The following UNC13C variants were observed in gnomAD, a reference collection of about 807,000 sequenced individuals.
UNC13C encodes the protein unc-13 homolog C, also known as protein unc-13 homolog C.
A neutral mutation model predicts 245.4 loss-of-function variants in UNC13C; 174 were observed. That is an observed-to-expected ratio of 0.71 (90% CI 0.63 to 0.80). UNC13C has a LOEUF of 0.80. UNC13C is among the 30% of genes least tolerant of loss of function. The pLI, the probability that UNC13C is intolerant of heterozygous loss-of-function variation, is 0.00. For missense variants in UNC13C, 2,829 were observed against 2,602.9 expected, an observed-to-expected ratio of 1.09 and a Z score of -1.89; for synonymous variants, 992 against 895.1, an observed-to-expected ratio of 1.11 and a Z score of -1.93.
chr15:54,615,219 T>C (rs1336024066), intron 30 of UNC13C, among the ~76,000 whole-genome samples: 1 of 152,036 alleles, frequency 6.6e-6, no homozygotes, highest in Non-Finnish European at 1.5e-5. Flanking sequence ...ACAATCCAGT[T>C]ATACTCTTCA....
At chr15:54,505,907 T>A (rs942492081) in intron 22 of UNC13C, among the ~76,000 whole-genome samples, 2 of 152,098 alleles carry the variant, frequency 1.3e-5, no homozygotes, top group African/African-American at 4.8e-5. Context: ...TCTCTAAGCA[T>A]AAATTCAAGG....
At chr15:53,889,096 T>C in the UNC13C span, among the ~76,000 whole-genome samples, 1 of 152,186 alleles carries the variant, frequency 6.6e-6, no homozygotes, top group Non-Finnish European at 1.5e-5. Flanking sequence ...ACAAAGTCAA[T>C]GGTAGCTTGA....
At chr15:54,378,695 A>G (rs1185829715) in intron 17 of UNC13C, among the ~76,000 whole-genome samples, 1 of 151,882 alleles carries the variant, frequency 6.6e-6, no homozygotes, top group Non-Finnish European at 1.5e-5. Context: ...AATTTATACA[A>G]TAAATTAAGG....
intron 2 of UNC13C, among the ~76,000 whole-genome samples, chr15:54,084,699 A>T (rs1315045000): frequency 3.3e-5 from 5 of 152,218 alleles, no homozygotes; most frequent in Non-Finnish European, 5.9e-5. Context: ...CAGAATATTC[A>T]GGTCATATGC....
At chr15:54,131,416 C>T (rs917364357) in intron 2 of UNC13C, among the ~76,000 whole-genome samples, 1 of 152,118 alleles carries the variant, frequency 6.6e-6, no homozygotes, top group African/African-American at 2.4e-5. Context: ...ATTTACTTTC[C>T]ATGGTTTCAG....
intron 2 of UNC13C, among the ~76,000 whole-genome samples, chr15:54,043,544 T>G (rs559851571): frequency 4.7e-4 from 72 of 152,206 alleles, no homozygotes; most frequent in African/African-American, 1.7e-3. Flanking sequence ...GCTTTCCTCT[T>G]AGGTAGGAGC....
At chr15:54,308,934 TC>T (rs1178630217) in intron 13 of UNC13C, among the ~76,000 whole-genome samples, 1 of 151,884 alleles carries the variant, frequency 6.6e-6, no homozygotes, top group Non-Finnish European at 1.5e-5. Context: ...TGATTTCATA[TC>T]TCGGCTATTG....
intron 24 of UNC13C, among the ~76,000 whole-genome samples, chr15:54,523,626 G>C (rs937219788): frequency 3.3e-5 from 5 of 152,168 alleles, no homozygotes; most frequent in African/African-American, 1.2e-4. Context: ...GACCTATGTA[G>C]CCATTTCTGT....
chr15:53,938,863 G>A, the UNC13C span, among the ~76,000 whole-genome samples: 14 of 152,174 alleles, frequency 9.2e-5, no homozygotes, highest in Middle Eastern at 3.4e-3. Context: ...TGTTAAGAGG[G>A]AAATTTATAG....
intron 19 of UNC13C, among the ~76,000 whole-genome samples, chr15:54,431,417 C>G (rs1258226199): frequency 6.6e-6 from 1 of 151,256 alleles, no homozygotes; most frequent in African/African-American, 2.4e-5. Context: ...TTTGGAATGT[C>G]TAATAGGGTA....
chr15:54,541,021 TACTC>T (rs1896219991), intron 26 of UNC13C, among the ~76,000 whole-genome samples: 1 of 152,028 alleles, frequency 6.6e-6, no homozygotes. Context: ...CCATGCCAAA[TACTC>T]ACCAGCAAGC....
At chr15:54,165,393 A>G (rs995186515) in intron 4 of UNC13C, among the ~76,000 whole-genome samples, 4 of 152,164 alleles carry the variant, frequency 2.6e-5, no homozygotes, top group Non-Finnish European at 5.9e-5. Context: ...TTTTTATCCC[A>G]TTATTTCATT....
rs759061883 is a variant in UNC13C at position 54,143,033 on chromosome 15, A to G, written c.2999A>G (p.Asp1000Gly). The change falls in exon 3 of 33, where the codon GAT becomes GGT. Residue 1000 changes from aspartate to glycine, a missense_variant. Transcript: ENST00000260323. ...KILAGDSSSV[D>G]EKARIVSGND... is the part of the protein sequence containing the mutation. The stretch of plus-strand genomic sequence containing the variant: ...TCTCTTTCAGATAGCAGTTCTGTGG[A>G]TGAAAAGGTTTTAAATCATACTTAT... 2.5e-6 allele frequency: 4 copies of G among 1,611,506 alleles called. No individual in the cohort carries two copies. The Admixed American group carries it at 5.0e-5, about 20-fold the overall frequency.
intron 2 of UNC13C, among the ~76,000 whole-genome samples, chr15:54,124,807 G>A (rs1325033369): frequency 1.7e-5 from 1 of 58,546 alleles, no homozygotes; most frequent in East Asian, 4.1e-4. Flanking sequence ...AAAATGTGAA[G>A]TTTAGGTAAA....
chr15:54,590,707 T>A (rs1162063271), intron 30 of UNC13C, among the ~76,000 whole-genome samples: 1 of 152,040 alleles, frequency 6.6e-6, no homozygotes, highest in Non-Finnish European at 1.5e-5. Flanking sequence ...GTCCTTAGGG[T>A]TTTTAAGGTA....
intron 2 of UNC13C, among the ~76,000 whole-genome samples, chr15:54,106,694 C>T (rs1900465023): frequency 6.6e-6 from 1 of 152,076 alleles, no homozygotes; most frequent in Non-Finnish European, 1.5e-5. Flanking sequence ...TCATTCTATC[C>T]TTCCATCCCT....
chr15:54,326,336 C>T (rs1194387897), intron 14 of UNC13C, among the ~76,000 whole-genome samples: 3 of 152,000 alleles, frequency 2.0e-5, no homozygotes, highest in African/African-American at 7.2e-5. Flanking sequence ...GTTTCAGGGA[C>T]ATGTAAAAGA....
chr15:54,307,471 T>C (rs923225025), intron 13 of UNC13C, among the ~76,000 whole-genome samples: 4 of 151,980 alleles, frequency 2.6e-5, no homozygotes, highest in African/African-American at 9.7e-5. Context: ...GAGTTTTTCA[T>C]GAACACAACT....
At chr15:53,846,898 C>T in the UNC13C span, among the ~76,000 whole-genome samples, 1 of 152,102 alleles carries the variant, frequency 6.6e-6, no homozygotes, top group Admixed American at 6.5e-5. Flanking sequence ...AGCAGGAGAG[C>T]AAAGCTCCGT....
Sources: allele counts gnomAD v4.1 joint callset (sites outside exome capture counted in the v4.1 genomes callset), GRCh38; gene constraint gnomAD v4.1.1; transcripts MANE v1.5; gene names NCBI Gene and HGNC (gene_info 2026-07-23, HGNC 2026-07-21).